The following MAPK10 variants were observed in gnomAD, a reference collection of about 807,000 sequenced individuals.
MAPK10 encodes the protein JNK3 alpha protein kinase.
Under a neutral mutation model 59.3 loss-of-function variants are expected in MAPK10, and 25 were observed. The ratio of observed to expected loss-of-function variants is 0.42; its 90% CI spans 0.31 to 0.59. MAPK10 has a LOEUF of 0.59. Among genes scored for constraint, MAPK10 ranks in the 20% least tolerant of loss-of-function variants. The probability of loss-of-function intolerance (pLI) is 0.15; values close to 1 mark genes in which losing one functional copy is unlikely to be tolerated. For synonymous variants in MAPK10, 190 were observed against 200.5 expected, an observed-to-expected ratio of 0.95 and a Z score of 0.44; for missense variants, 351 against 568.9, an observed-to-expected ratio of 0.62 and a Z score of 3.90.
intron 4 of MAPK10, among the ~76,000 whole-genome samples, chr4:86,117,054 GT>G (rs2058395891): frequency 6.6e-6 from 1 of 152,164 alleles, no homozygotes; most frequent in Non-Finnish European, 1.5e-5. Context: ...CATTTTTCAA[GT>G]ATATCCCATG....
intron 3 of MAPK10, among the ~76,000 whole-genome samples, chr4:86,163,694 T>C (rs904296652): frequency 1.3e-5 from 2 of 152,170 alleles, no homozygotes; most frequent in African/African-American, 4.8e-5. Flanking sequence ...TCTGTACTTC[T>C]AACAAGTTTC....
Position 86,107,205 on chromosome 4 carries a change from A to C in MAPK10, c.366+18T>G, listed in dbSNP as rs1451164694. ...TACAAACTCCCACTGCCAGAAGTTTAAAAATAACAAAACTCACGTTTTTAT... is the reference window on the plus strand; with the variant it reads ...TACAAACTCCCACTGCCAGAAGTTTCAAAATAACAAAACTCACGTTTTTAT... On this transcript the variant is annotated intron_variant, in intron 5 of 13. Transcript: ENST00000641462. 38 of 1,601,186 alleles carry C rather than the reference A, an allele frequency of 2.4e-5. No individual in the cohort carries two copies. The highest frequency in any genetic ancestry group is 3.2e-5 in the Non-Finnish European group (37 of 1,173,442).
At chr4:86,112,637 T>C (rs965226411) in intron 4 of MAPK10, among the ~76,000 whole-genome samples, 5 of 152,202 alleles carry the variant, frequency 3.3e-5, no homozygotes, top group Non-Finnish European at 4.4e-5. Flanking sequence ...CTTGTAATTA[T>C]ATTATTAATT....
At chr4:86,451,364 G>C (rs969341076) in intron 1 of MAPK10, among the ~76,000 whole-genome samples, 1 of 152,182 alleles carries the variant, frequency 6.6e-6, no homozygotes, top group African/African-American at 2.4e-5. Context: ...TGATGAGGTA[G>C]AGAGGTAAAG....
intron 1 of MAPK10, among the ~76,000 whole-genome samples, chr4:86,527,715 G>A (rs1407854788): frequency 6.6e-6 from 1 of 152,198 alleles, no homozygotes; most frequent in Non-Finnish European, 1.5e-5. Flanking sequence ...GCACTTGTGT[G>A]TTCATCACAG....
At chr4:86,472,988 T>G (rs1262886221) in intron 1 of MAPK10, among the ~76,000 whole-genome samples, 3 of 152,190 alleles carry the variant, frequency 2.0e-5, no homozygotes, top group Admixed American at 1.3e-4. Context: ...CAATAGAACC[T>G]TTCATTCCTT....
In MAPK10 at chr4:86,057,189, C is replaced by T. The variant is rs140765485; in HGVS notation, c.1110+7077G>A. ...AACTCCTGATATCAAGTGATCCACC[C>T]GCCTTGGCATCCCAAAGTGCTGGGA... On this transcript the variant is annotated intron_variant, in intron 11 of 13. Transcript: ENST00000641462. 5.1e-3 allele frequency among the ~76,000 whole-genome samples: 769 copies of T among 149,504 alleles called. 65 individuals carry two copies. Among genetic ancestry groups the T allele is most frequent in the African/African-American group, 0.018 (724 of 39,808 alleles).
chr4:86,450,089 A>G (rs1579265982), intron 1 of MAPK10, among the ~76,000 whole-genome samples: 1 of 152,360 alleles, frequency 6.6e-6, no homozygotes, highest in East Asian at 1.9e-4. Context: ...ATCCACAGAA[A>G]CGATGAGATA....
At chr4:86,480,643 A>T (rs546126946) in intron 1 of MAPK10, among the ~76,000 whole-genome samples, 1 of 152,346 alleles carries the variant, frequency 6.6e-6, no homozygotes, top group Admixed American at 6.5e-5. Flanking sequence ...GGACTTTAAC[A>T]TTCAATTTCC....
chr4:86,094,175 A>T (rs2053782352), intron 9 of MAPK10, among the ~76,000 whole-genome samples: 1 of 151,984 alleles, frequency 6.6e-6, no homozygotes, highest in Non-Finnish European at 1.5e-5. Flanking sequence ...TTTTACTTTG[A>T]TCCTTCCTAA....
intron 4 of MAPK10, among the ~76,000 whole-genome samples, chr4:86,123,241 A>C (rs896692543): frequency 3.3e-5 from 5 of 151,978 alleles, no homozygotes; most frequent in Admixed American, 2.6e-4. Context: ...TTCTTTTTAA[A>C]GTCTGATTAT....
chr4:86,491,432 C>T (rs112953109), intron 1 of MAPK10, among the ~76,000 whole-genome samples: 77 of 152,272 alleles, frequency 5.1e-4, no homozygotes, highest in African/African-American at 1.6e-3. Context: ...CCTCATGACC[C>T]CAACCCCAGT....
intron 1 of MAPK10, among the ~76,000 whole-genome samples, chr4:86,574,444 T>C (rs1324290581): frequency 2.0e-5 from 3 of 151,522 alleles, no homozygotes; most frequent in South Asian, 2.1e-4. Flanking sequence ...CTGGGTCAAA[T>C]GGTATTTCTA....
chr4:86,304,231 T>G (rs2148853070), intron 2 of MAPK10, among the ~76,000 whole-genome samples: 1 of 152,258 alleles, frequency 6.6e-6, no homozygotes, highest in African/African-American at 2.4e-5. Flanking sequence ...TCACGTGCCA[T>G]GCAAGAGTAT....
intron 2 of MAPK10, among the ~76,000 whole-genome samples, chr4:86,279,784 T>C (rs927581106): frequency 1.3e-5 from 2 of 152,030 alleles, no homozygotes; most frequent in Non-Finnish European, 2.9e-5. Flanking sequence ...AGCAGAAAAT[T>C]CCTCACTCCA....
At chr4:86,477,666 C>T (rs1183650348) in intron 1 of MAPK10, among the ~76,000 whole-genome samples, 1 of 152,168 alleles carries the variant, frequency 6.6e-6, no homozygotes, top group African/African-American at 2.4e-5. Flanking sequence ...ACTCTCCTTA[C>T]AGTTCCCCCA....
chr4:86,261,390 C>A (rs2093974079), intron 2 of MAPK10, among the ~76,000 whole-genome samples: 1 of 152,160 alleles, frequency 6.6e-6, no homozygotes, highest in African/African-American at 2.4e-5. Context: ...AAGTTAGGAA[C>A]TTTAACTGTC....
intron 1 of MAPK10, among the ~76,000 whole-genome samples, chr4:86,398,421 A>G (rs1426115314): frequency 6.6e-6 from 1 of 152,144 alleles, no homozygotes; most frequent in East Asian, 1.9e-4. Flanking sequence ...TGAAACCCAC[A>G]AAGTAAAATT....
chr4:86,064,631 G>A (rs1467367579), intron 10 of MAPK10: 8 of 461,536 alleles, frequency 1.7e-5, no homozygotes, highest in Admixed American at 7.5e-5. Context: ...AATTATTCAC[G>A]CAAACTTCTT....
Sources: gnomAD v4.1 joint callset for allele counts (sites outside exome capture counted in the v4.1 genomes callset) on GRCh38, gnomAD v4.1.1 for gene constraint, MANE v1.5 for transcripts, NCBI Gene and HGNC (gene_info 2026-07-23, HGNC 2026-07-21) for gene names.